The following LHFPL6 variants were observed in gnomAD, a reference collection of about 807,000 sequenced individuals.
The protein encoded by LHFPL6 is LHFPL tetraspan subfamily member 6.
LHFPL6 carries 9 observed loss-of-function variants against 20.6 expected under a neutral mutation model. The observed-to-expected ratio is 0.44, with a 90% CI of 0.26 to 0.76. LHFPL6 has a LOEUF of 0.76. Ranked by LOEUF, LHFPL6 falls within the 30% of genes least tolerant of loss-of-function variation. The probability of loss-of-function intolerance (pLI) is 0.20; values close to 1 mark genes in which losing one functional copy is unlikely to be tolerated. For missense variants in LHFPL6, 218 were observed against 253.5 expected (o/e 0.86, Z 0.95); for synonymous variants, 105 against 98.7 (o/e 1.06, Z -0.38).
At chr13:39,572,329 T>TGTGTGA (rs1454852828) in intron 2 of LHFPL6, among the ~76,000 whole-genome samples, 2 of 135,662 alleles carry the variant, frequency 1.5e-5, no homozygotes, top group Non-Finnish European at 3.3e-5. Flanking sequence ...TGTGTGTGTG[T>TGTGTGA]GACAGTCCCC....
At chr13:39,362,199 G>A (rs1430511999) in intron 3 of LHFPL6, among the ~76,000 whole-genome samples, 2 of 152,176 alleles carry the variant, frequency 1.3e-5, no homozygotes, top group Non-Finnish European at 2.9e-5. Flanking sequence ...CATGGGGGTG[G>A]GCTTCGCCCT....
intron 2 of LHFPL6, among the ~76,000 whole-genome samples, chr13:39,432,177 C>A (rs1389704056): frequency 2.0e-5 from 3 of 152,202 alleles, no homozygotes. Flanking sequence ...CAGCCTCCAA[C>A]TGTGAGGAAA....
At chr13:39,421,825 A>T (rs978327628) in intron 2 of LHFPL6, among the ~76,000 whole-genome samples, 1 of 152,234 alleles carries the variant, frequency 6.6e-6, no homozygotes, top group African/African-American at 2.4e-5. Flanking sequence ...ATATGAAAAA[A>T]TCTTTTTATA....
intron 2 of LHFPL6, among the ~76,000 whole-genome samples, chr13:39,536,295 G>A (rs530996315): frequency 1.3e-3 from 193 of 152,278 alleles, no homozygotes; most frequent in Non-Finnish European, 2.1e-3. Flanking sequence ...AGAGAAGGAG[G>A]AGTCATACCA....
intron 2 of LHFPL6, among the ~76,000 whole-genome samples, chr13:39,479,121 C>CTATCTATCTATA (rs1288378112): frequency 1.0e-4 from 10 of 99,542 alleles, no homozygotes; most frequent in Non-Finnish European, 1.8e-4. Flanking sequence ...ATCCATCCAT[C>CTATCTATCTATA]TATCTATCTA....
intron 2 of LHFPL6, among the ~76,000 whole-genome samples, chr13:39,572,208 AAAAT>A: frequency 6.6e-6 from 1 of 152,302 alleles, no homozygotes; most frequent in South Asian, 2.1e-4. Flanking sequence ...AATCAAATAT[AAAAT>A]AAAGCATTTA....
At chr13:39,350,243 T>C (rs1439206615) in intron 3 of LHFPL6, among the ~76,000 whole-genome samples, 2 of 152,180 alleles carry the variant, frequency 1.3e-5, no homozygotes, top group Non-Finnish European at 2.9e-5. Flanking sequence ...CCAGATACAA[T>C]AGGATTTTTT....
intron 2 of LHFPL6, among the ~76,000 whole-genome samples, chr13:39,587,391 A>G (rs1275529603): frequency 6.6e-6 from 1 of 152,122 alleles, no homozygotes; most frequent in Admixed American, 6.6e-5. Flanking sequence ...ACCCAGGTCA[A>G]CTAGCACCTC....
intron 3 of LHFPL6, among the ~76,000 whole-genome samples, chr13:39,373,638 C>T (rs6563699): frequency 0.95 from 145,142 of 152,298 alleles, 69,244 homozygotes; most frequent in East Asian, 1. Context: ...GATCAATAAA[C>T]GAGCACAGCT....
At chr13:39,373,814 AC>A (rs1177969736) in intron 3 of LHFPL6, among the ~76,000 whole-genome samples, 1 of 152,228 alleles carries the variant, frequency 6.6e-6, no homozygotes, top group African/African-American at 2.4e-5. Flanking sequence ...ATGGAAAACC[AC>A]AATGAGAGAT....
chr13:39,540,636 G>C (rs192044090), intron 2 of LHFPL6, among the ~76,000 whole-genome samples: 145 of 152,178 alleles, frequency 9.5e-4, no homozygotes, highest in African/African-American at 3.0e-3. Context: ...GTTTTGGGGG[G>C]CTAACAATTA....
At chr13:39,510,720 G>T (rs553016215) in intron 2 of LHFPL6, among the ~76,000 whole-genome samples, 1 of 152,170 alleles carries the variant, frequency 6.6e-6, no homozygotes, top group Non-Finnish European at 1.5e-5. Flanking sequence ...AAATATTACA[G>T]AAATTTACAG....
chr13:39,489,551 C>CT (rs33943302), intron 2 of LHFPL6, among the ~76,000 whole-genome samples: 129 of 148,380 alleles, frequency 8.7e-4, no homozygotes, highest in African/African-American at 1.5e-3. Context: ...TATGCTGTGG[C>CT]TTTTTTTTTG....
intron 2 of LHFPL6, among the ~76,000 whole-genome samples, chr13:39,531,937 G>A (rs575628525): frequency 1.7e-4 from 26 of 152,156 alleles, no homozygotes; most frequent in Non-Finnish European, 3.1e-4. Context: ...TTTGGCTTTC[G>A]TGTTTTCAAG....
intron 2 of LHFPL6, among the ~76,000 whole-genome samples, chr13:39,518,887 G>A (rs1327349426): frequency 2.0e-5 from 3 of 152,316 alleles, no homozygotes; most frequent in Admixed American, 6.5e-5. Flanking sequence ...GATGGAACAC[G>A]TCGAAGTGAG....
At chr13:39,544,711 A>T (rs1870920935) in intron 2 of LHFPL6, among the ~76,000 whole-genome samples, 1 of 152,178 alleles carries the variant, frequency 6.6e-6, no homozygotes, top group African/African-American at 2.4e-5. Flanking sequence ...AACCTACAAG[A>T]ATCTGGTAAA....
chr13:39,435,752 T>A (rs1442982208), intron 2 of LHFPL6, among the ~76,000 whole-genome samples: 1 of 152,138 alleles, frequency 6.6e-6, no homozygotes, highest in Non-Finnish European at 1.5e-5. Flanking sequence ...AAGAAGAATA[T>A]TCAAAATTAT....
chr13:39,455,519 T>G (rs1364351076), intron 2 of LHFPL6, among the ~76,000 whole-genome samples: 1 of 152,202 alleles, frequency 6.6e-6, no homozygotes, highest in Non-Finnish European at 1.5e-5. Context: ...ATAATGACCT[T>G]TATTCTAAAT....
chr13:39,442,015 G>A (rs1302694056), intron 2 of LHFPL6, among the ~76,000 whole-genome samples: 1 of 151,658 alleles, frequency 6.6e-6, no homozygotes, highest in Non-Finnish European at 1.5e-5. Flanking sequence ...TTTTAGTAGA[G>A]ACAGGGTTTT....
Sources: allele counts gnomAD v4.1 joint callset (sites outside exome capture counted in the v4.1 genomes callset), GRCh38; gene constraint gnomAD v4.1.1; transcripts MANE v1.5; gene names NCBI Gene and HGNC (gene_info 2026-07-23, HGNC 2026-07-21).